Variants in GGTA1 observed in about 807,000 individuals in gnomAD.
GGTA1 encodes the protein glycoprotein alpha-galactosyltransferase 1 (inactive), also known as inactive N-acetyllactosaminide alpha-1,3-galactosyltransferase.
Under a neutral mutation model 2.6 loss-of-function variants are expected in GGTA1, and 5 were observed. That is an observed-to-expected ratio of 1.92 (90% CI 1.00 to 4.04). The LOEUF is 4.04. Ranked by LOEUF, GGTA1 falls within the 30% of genes most tolerant of loss-of-function variation. GGTA1 has a pLI of 0.00. For missense variants in GGTA1, 50 were observed against 16.7 expected (o/e 2.99, Z -3.47); for synonymous variants, 17 against 5.0 (o/e 3.38, Z -3.19).
intron 1 of GGTA1, among the ~76,000 whole-genome samples, chr9:121,497,439 C>G (rs1235691487): frequency 6.6e-6 from 1 of 152,100 alleles, no homozygotes; most frequent in East Asian, 1.9e-4. Context: ...AAAGCACCAA[C>G]CTTAGAGCCA....
At chr9:121,478,786 C>T (rs1828571992) in intron 1 of GGTA1, among the ~76,000 whole-genome samples, 1 of 152,188 alleles carries the variant, frequency 6.6e-6, no homozygotes, top group African/African-American at 2.4e-5. Flanking sequence ...TCTCGAATCC[C>T]CTTTGGGAAA....
chr9:121,482,437 G>A (rs574472705), intron 1 of GGTA1, among the ~76,000 whole-genome samples: 16 of 151,732 alleles, frequency 1.1e-4, no homozygotes, highest in African/African-American at 2.9e-4. Context: ...ATTGCACTCC[G>A]GCCTGGGAGA....
chr9:121,455,963 A>G (rs2118756922), intron 5 of GGTA1, 122 bp from the exon 6 acceptor site: 1 of 393,024 alleles, frequency 2.5e-6, no homozygotes, highest in East Asian at 7.2e-5. Context: ...CCCTGACTAC[A>G]AAGCCACACA....
At position 121,483,481 on chromosome 9, in the gene GGTA1, C is replaced by T. The variant is rs114565432; in HGVS notation, c.-9-15550G>A. On this transcript the variant is annotated intron_variant, in intron 1 of 5. Coordinates refer to ENST00000481799, the MANE Select transcript of GGTA1 (RefSeq NM_001382585.1). ...CAAACTCTCAAAACAAAGGAGCACACATTTAGGGTCATTCCTTAATTGAAA... is the reference window on the plus strand; with the variant it reads ...CAAACTCTCAAAACAAAGGAGCACATATTTAGGGTCATTCCTTAATTGAAA... Among the ~76,000 whole-genome samples, 1,292 of 152,280 alleles carry T rather than the reference C, an allele frequency of 8.5e-3. 17 individuals are homozygous for T. The highest frequency in any genetic ancestry group is 0.03 in the African/African-American group (1,230 of 41,542).
chr9:121,493,838 C>A (rs1167714709), intron 1 of GGTA1, among the ~76,000 whole-genome samples: 3 of 150,530 alleles, frequency 2.0e-5, no homozygotes, highest in African/African-American at 7.4e-5. Context: ...CTCACTGCAA[C>A]CTCCACCTCC....
At chr9:121,481,045 C>T (rs1309203139) in intron 1 of GGTA1, among the ~76,000 whole-genome samples, 13 of 150,890 alleles carry the variant, frequency 8.6e-5, no homozygotes, top group Non-Finnish European at 1.8e-4. Flanking sequence ...CCCAGCAACT[C>T]GGGAGGCTGA....
chr9:121,462,970 G>A (rs1164230907), intron 3 of GGTA1: 3 of 161,898 alleles, frequency 1.9e-5, no homozygotes, highest in Admixed American at 6.5e-5. Flanking sequence ...TCTTATATGG[G>A]TCTTTATATA....
rs932765905 is a variant in GGTA1 at position 121,490,017 on chromosome 9, C to T, written c.-10+9633G>A. On this transcript the variant is annotated intron_variant, in intron 1 of 5. Transcript: ENST00000481799. ...GATTATTTTTGGTAAATCAAATCCC[C>T]GTTTCAGTATACTGAGGAGGCAAAC... Among the ~76,000 whole-genome samples the T allele has an allele frequency of 1.2e-4, 19 of 152,170 alleles. 1 individual carries two copies. Among genetic ancestry groups the T allele is most frequent in the Admixed American group, 6.5e-5 (1 of 15,286 alleles).
chr9:121,480,607 G>A (rs1029118652), intron 1 of GGTA1, among the ~76,000 whole-genome samples: 5 of 152,080 alleles, frequency 3.3e-5, no homozygotes, highest in East Asian at 1.9e-4. Context: ...CCCCCCGGTC[G>A]CTCAGTAGTG....
At chr9:121,478,259 T>C (rs1260166394) in intron 1 of GGTA1, among the ~76,000 whole-genome samples, 1 of 152,194 alleles carries the variant, frequency 6.6e-6, no homozygotes, top group African/African-American at 2.4e-5. Context: ...CTGGTGAGCA[T>C]CAGCTCAACT....
At chr9:121,496,303 A>G (rs1027250428) in intron 1 of GGTA1, among the ~76,000 whole-genome samples, 1 of 152,106 alleles carries the variant, frequency 6.6e-6, no homozygotes, top group African/African-American at 2.4e-5. Flanking sequence ...CATTATTCCA[A>G]CCACCATTTG....
intron 1 of GGTA1, among the ~76,000 whole-genome samples, chr9:121,493,767 T>G (rs1410069099): frequency 2.0e-5 from 3 of 147,030 alleles, no homozygotes; most frequent in Non-Finnish European, 4.5e-5. Flanking sequence ...TTTTTTTTTT[T>G]TTTTTTTGAG....
intron 1 of GGTA1, among the ~76,000 whole-genome samples, chr9:121,478,329 T>C (rs547878348): frequency 6.6e-6 from 1 of 152,348 alleles, no homozygotes; most frequent in Non-Finnish European, 1.5e-5. Context: ...ACTCACAGCA[T>C]CTTGTTTATT....
In GGTA1 at chr9:121,455,375, C is replaced by T. The variant is rs547871734; in HGVS notation, c.*462G>A. The T allele has an allele frequency of 3.7e-4, 56 of 152,536 alleles. No homozygotes were observed. The highest frequency in any genetic ancestry group is 7.0e-4 in the Non-Finnish European group (48 of 68,190). 9.4% of individuals were successfully genotyped at this position (152,536 alleles called of 1,614,324 possible). Reference sequence around the variant, plus strand: ...GTCTTGTAAATGTGTATAAGCTGGACATTTGGTAATATTATTTTTAAAAAA... The same window carrying T: ...GTCTTGTAAATGTGTATAAGCTGGATATTTGGTAATATTATTTTTAAAAAA... On this transcript the variant is annotated 3_prime_UTR_variant, in exon 6 of 6. Transcript: ENST00000481799.
intron 1 of GGTA1, among the ~76,000 whole-genome samples, chr9:121,482,539 C>A (rs545356628): frequency 1.3e-5 from 2 of 152,112 alleles, no homozygotes; most frequent in Admixed American, 1.3e-4. Flanking sequence ...GAGGCTGAGG[C>A]GGGTGGATCT....
rs749988728 is a variant in GGTA1 at position 121,473,956 on chromosome 9, AGAGG to A, written c.-9-6029_-9-6026del. ...AAGAGAGAAGGAGAGAGAGAGAGAGAGAGGGAGGGAGGGAGGGAGAGAGAGAGAG... is the reference window on the plus strand; with the variant it reads ...AAGAGAGAAGGAGAGAGAGAGAGAGAGAGGGAGGGAGGGAGAGAGAGAGAG... On this transcript the variant is annotated intron_variant, in intron 1 of 5. Coordinates refer to ENST00000481799, the MANE Select transcript of GGTA1 (RefSeq NM_001382585.1). Among the ~76,000 whole-genome samples the A allele has an allele frequency of 4.9e-4, 66 of 133,358 alleles. 1 individual carries two copies. Among genetic ancestry groups the A allele is most frequent in the Non-Finnish European group, 6.8e-4 (42 of 61,718 alleles). The allele number at this position is 133,358 out of a possible 152,430, so 87.5% of individuals were successfully genotyped here. A position where few individuals can be genotyped will look rare whatever the true frequency, so the allele number is the denominator to read the frequency against.
chr9:121,486,334 G>A (rs1828753489), intron 1 of GGTA1, among the ~76,000 whole-genome samples: 1 of 152,222 alleles, frequency 6.6e-6, no homozygotes, highest in African/African-American at 2.4e-5. Context: ...CCACGCCCAC[G>A]TGGGTCTATT....
chr9:121,476,981 C>G lies in GGTA1; in HGVS notation c.-9-9050G>C, dbSNP rs1828522836. On this transcript the variant is annotated intron_variant, in intron 1 of 5. Transcript: ENST00000481799. The surrounding 1 kb of genome is among the most constrained non-coding windows in gnomAD (Gnocchi z 4.6). Reference sequence around the variant, plus strand: ...CCGGTCCCAGGTGGACCTTGTTGAGCACCTGGGCCCCTCCTCCTTTGGCCT... The same window carrying G: ...CCGGTCCCAGGTGGACCTTGTTGAGGACCTGGGCCCCTCCTCCTTTGGCCT... 6.6e-6 allele frequency among the ~76,000 whole-genome samples: 1 copy of G among 152,194 alleles called. No homozygotes were observed. Among genetic ancestry groups the G allele is most frequent in the African/African-American group, 2.4e-5 (1 of 41,438 alleles).
At chr9:121,447,898 C>T (rs955746786) in intron 7 of GGTA1, among the ~76,000 whole-genome samples, 1 of 152,166 alleles carries the variant, frequency 6.6e-6, no homozygotes, top group Non-Finnish European at 1.5e-5. Flanking sequence ...GCAACTAGAA[C>T]TAGACATGCA....
Sources: allele counts gnomAD v4.1 joint callset (sites outside exome capture counted in the v4.1 genomes callset), GRCh38; gene constraint gnomAD v4.1.1; non-coding constraint Gnocchi (gnomAD v3.1); transcripts MANE v1.5; gene names NCBI Gene and HGNC (gene_info 2026-07-23, HGNC 2026-07-21).